Variants in RBFOX3 observed in about 807,000 individuals in gnomAD.
The protein encoded by RBFOX3 is RNA binding protein fox-1 homolog 3.
RBFOX3 carries 17 observed loss-of-function variants against 48.7 expected under a neutral mutation model. That is an observed-to-expected ratio of 0.35 (90% confidence interval 0.24 to 0.52). RBFOX3 has a LOEUF of 0.52. Ranked by LOEUF, RBFOX3 falls within the 20% of genes least tolerant of loss-of-function variation. RBFOX3 has a pLI of 0.94. For synonymous variants in RBFOX3, 212 were observed against 209.5 expected (o/e 1.01, Z -0.10); for missense variants, 382 against 497.5 (o/e 0.77, Z 2.21).
At chr17:79,178,566 C>T (rs971702265) in intron 4 of RBFOX3, among the ~76,000 whole-genome samples, 7 of 152,178 alleles carry the variant, frequency 4.6e-5, no homozygotes, top group South Asian at 2.1e-4. Flanking sequence ...CCCAGTGCCT[C>T]GGTTTCTCCA....
intron 3 of RBFOX3, among the ~76,000 whole-genome samples, chr17:79,306,120 T>A (rs1467246041): frequency 6.6e-6 from 1 of 152,236 alleles, no homozygotes; most frequent in Admixed American, 6.5e-5. Context: ...GCAGAAAACA[T>A]CCTGACCCGA....
In RBFOX3 at chr17:79,477,125, C is replaced by T. The variant is rs920527208; in HGVS notation, c.-175+5329G>A. ...GTGGGCGCCTGTAATCCCAGTTACT[C>T]GGGAAGCTGAGGCAGGAGAATCTCT... On this transcript the variant is annotated intron_variant, in intron 2 of 14. Transcript: ENST00000693108. The surrounding 1 kb of genome is among the most constrained non-coding windows in gnomAD (Gnocchi z 4.8). Among the ~76,000 whole-genome samples, 77 of 149,300 alleles carry T rather than the reference C, an allele frequency of 5.2e-4. No individual in the cohort carries two copies. The highest frequency in any genetic ancestry group is 1.1e-3 in the African/African-American group (46 of 40,580).
intron 4 of RBFOX3, among the ~76,000 whole-genome samples, chr17:79,227,387 A>G (rs2060431167): frequency 6.6e-6 from 1 of 152,198 alleles, no homozygotes; most frequent in East Asian, 1.9e-4. Flanking sequence ...CATGGATGTC[A>G]GAAATCCAGC....
intron 2 of RBFOX3, among the ~76,000 whole-genome samples, chr17:79,375,724 C>T (rs886169491): frequency 2.6e-5 from 4 of 152,192 alleles, no homozygotes; most frequent in Non-Finnish European, 4.4e-5. Flanking sequence ...AATTCAACCT[C>T]ACTGCCAGCA....
intron 1 of RBFOX3, chr17:79,600,558 C>G (rs2093682606): frequency 6.6e-6 from 1 of 152,176 alleles, no homozygotes; most frequent in African/African-American, 2.4e-5. Flanking sequence ...CCTTAATTCC[C>G]TACAGCACAT....
chr17:79,143,380 TGG>T (rs201977497), intron 4 of RBFOX3, among the ~76,000 whole-genome samples: 47 of 23,272 alleles, frequency 2.0e-3, no homozygotes, highest in African/African-American at 5.8e-3. Flanking sequence ...GAGCGGGGGG[TGG>T]GGGGGGGTTC....
chr17:79,309,694 C>A (rs887196512), intron 2 of RBFOX3, among the ~76,000 whole-genome samples: 2 of 152,124 alleles, frequency 1.3e-5, no homozygotes, highest in Middle Eastern at 3.2e-3. Flanking sequence ...GAGGGAGGGA[C>A]CTGGTGGGAG....
chr17:79,131,803 G>A (rs958362980), intron 4 of RBFOX3, among the ~76,000 whole-genome samples: 15 of 152,084 alleles, frequency 9.9e-5, no homozygotes, highest in African/African-American at 3.1e-4. Flanking sequence ...CTGAGAGATG[G>A]CCCCGAATCC....
intron 1 of RBFOX3, among the ~76,000 whole-genome samples, chr17:79,576,768 G>A (rs1264947857): frequency 6.6e-6 from 1 of 152,036 alleles, no homozygotes; most frequent in Admixed American, 6.5e-5. Context: ...GGAGAAGATG[G>A]AGACCATGGA....
At chr17:79,336,223 C>T (rs1004042085) in intron 2 of RBFOX3, among the ~76,000 whole-genome samples, 1 of 151,958 alleles carries the variant, frequency 6.6e-6, no homozygotes, top group East Asian at 1.9e-4. Flanking sequence ...CCCATCTCTA[C>T]TAAAAATACA....
intron 2 of RBFOX3, among the ~76,000 whole-genome samples, chr17:79,453,918 T>A (rs2074012205): frequency 6.6e-6 from 1 of 152,104 alleles, no homozygotes; most frequent in African/African-American, 2.4e-5. Context: ...AGTTCTGGGA[T>A]CCCTTGGACA....
Position 79,137,384 on chromosome 17 carries a change from T to C in RBFOX3, c.-33-21636A>G, listed in dbSNP as rs150266982. Among the ~76,000 whole-genome samples, 235 of 152,260 alleles carry C rather than the reference T, an allele frequency of 1.5e-3. 1 individual carries two copies. The highest frequency in any genetic ancestry group is 5.2e-3 in the African/African-American group (215 of 41,550). Reference sequence around the variant, plus strand: ...GCACCCTCCAACCCCCAGGCCATTGTGAAATTATCAAATATCCTCAGGCAG... The same window carrying C: ...GCACCCTCCAACCCCCAGGCCATTGCGAAATTATCAAATATCCTCAGGCAG... On this transcript the variant is annotated intron_variant, in intron 4 of 14. Transcript: ENST00000693108.
intron 2 of RBFOX3, among the ~76,000 whole-genome samples, chr17:79,337,171 C>T (rs561827354): frequency 1.3e-5 from 2 of 152,094 alleles, no homozygotes; most frequent in South Asian, 2.1e-4. Context: ...TCTCACACCA[C>T]GGGAAAGGAC....
intron 2 of RBFOX3, among the ~76,000 whole-genome samples, chr17:79,369,215 G>A (rs1266704810): frequency 6.6e-6 from 1 of 152,154 alleles, no homozygotes; most frequent in African/African-American, 2.4e-5. Context: ...ATCAGCCGGG[G>A]TTGACCTGTG....
intron 4 of RBFOX3, among the ~76,000 whole-genome samples, chr17:79,219,764 C>G (rs1364685669): frequency 6.6e-6 from 1 of 152,026 alleles, no homozygotes; most frequent in East Asian, 1.9e-4. Context: ...GGTCCGGTTT[C>G]CCACACCTGA....
chr17:79,335,894 T>C (rs1224444494), intron 2 of RBFOX3, among the ~76,000 whole-genome samples: 1 of 152,214 alleles, frequency 6.6e-6, no homozygotes, highest in Non-Finnish European at 1.5e-5. Flanking sequence ...ATTGGAACTT[T>C]CCAGAAATGC....
intron 1 of RBFOX3, among the ~76,000 whole-genome samples, chr17:79,589,290 G>A (rs1403832054): frequency 2.7e-5 from 2 of 73,454 alleles, no homozygotes; most frequent in African/African-American, 7.8e-5. Context: ...GCGAGGATCC[G>A]CCCCAGGGCT....
chr17:79,272,603 G>T (rs918390229), intron 3 of RBFOX3, among the ~76,000 whole-genome samples: 4 of 152,180 alleles, frequency 2.6e-5, no homozygotes, highest in Non-Finnish European at 5.9e-5. Context: ...AGGGGGTAGG[G>T]GGTCTCTCCT....
the RBFOX3 span, among the ~76,000 whole-genome samples, chr17:79,660,823 T>C: frequency 6.6e-6 from 1 of 152,334 alleles, no homozygotes; most frequent in East Asian, 1.9e-4. Context: ...TAAAGATACA[T>C]GCACGTGTAT....
Sources: allele counts gnomAD v4.1 joint callset (sites outside exome capture counted in the v4.1 genomes callset), GRCh38; gene constraint gnomAD v4.1.1; non-coding constraint Gnocchi (gnomAD v3.1); transcripts MANE v1.5; gene names NCBI Gene and HGNC (gene_info 2026-07-23, HGNC 2026-07-21).